ADGRL2: variants seen among roughly 807,000 people sequenced by gnomAD.
ADGRL2 encodes the protein calcium-independent alpha-latrotoxin receptor 2.
ADGRL2 carries 44 observed loss-of-function variants against 157.4 expected under a neutral mutation model. That is an observed-to-expected ratio of 0.28 (90% CI 0.22 to 0.36). The LOEUF is 0.36. Ranked by LOEUF, ADGRL2 falls within the 10% of genes least tolerant of loss-of-function variation. ADGRL2 has a pLI of 1.00. For synonymous variants in ADGRL2, 585 were observed against 624.7 expected (o/e 0.94, Z 0.95); for missense variants, 1,510 against 1,768.9 (o/e 0.85, Z 2.63).
chr1:81,821,665 G>A (rs945656284), intron 1 of ADGRL2, among the ~76,000 whole-genome samples: 3 of 152,056 alleles, frequency 2.0e-5, no homozygotes, highest in Admixed American at 2.0e-4. Flanking sequence ...GAGCTGTAGG[G>A]TTTCAAGATT....
chr1:81,570,992 G>A lies in ADGRL2; in HGVS notation c.-247-9884G>A, dbSNP rs552822406. Among the ~76,000 whole-genome samples, 58 of 152,140 alleles carry A rather than the reference G, an allele frequency of 3.8e-4. No homozygotes were observed. The South Asian group carries it at 0.011, about 30-fold the overall frequency. On this transcript the variant is annotated intron_variant, in intron 2 of 24. Coordinates refer to the ADGRL2 transcript ENST00000370721. ...GTCATAAACAATATTAAGTGAATAG[G>A]CATGACTGTATTCCAATAAAACTTT...
At chr1:81,885,220 T>C (rs1291400840) in intron 2 of ADGRL2, among the ~76,000 whole-genome samples, 1 of 152,232 alleles carries the variant, frequency 6.6e-6, no homozygotes. Flanking sequence ...ATGCTTATAA[T>C]ACTTGATTTA....
In ADGRL2 at chr1:81,591,909, C is replaced by G. The variant is rs2081141512; in HGVS notation, c.-143+10929C>G. ...TGACACCCTAGCCTTAGATGGTACC[C>G]AGATAGCAGCCTTGTAAAATACTCT... On this transcript the variant is annotated intron_variant, in intron 3 of 24. Coordinates refer to the ADGRL2 transcript ENST00000370721. Among the ~76,000 whole-genome samples the G allele has an allele frequency of 4.6e-5, 7 of 152,264 alleles. No homozygotes were observed. In the South Asian group the frequency reaches 1.5e-3, roughly 32 times the overall value.
chr1:81,371,305 A>T (rs1445415935), intron 1 of ADGRL2, among the ~76,000 whole-genome samples: 1 of 152,182 alleles, frequency 6.6e-6, no homozygotes, highest in Non-Finnish European at 1.5e-5. Context: ...TTAAATACCA[A>T]GTAAGGTTGA....
chr1:81,804,091 A>C (rs2088746102), intron 1 of ADGRL2, among the ~76,000 whole-genome samples: 1 of 152,318 alleles, frequency 6.6e-6, no homozygotes, highest in South Asian at 2.1e-4. Context: ...CAACATTCCA[A>C]CTTGTGATGG....
At chr1:81,826,869 T>C (rs1410205801) in intron 1 of ADGRL2, among the ~76,000 whole-genome samples, 2 of 152,182 alleles carry the variant, frequency 1.3e-5, no homozygotes, top group Non-Finnish European at 2.9e-5. Context: ...TTTGTAACCT[T>C]CTCCACTCTT....
chr1:81,405,902 T>A (rs1249449155), intron 1 of ADGRL2, among the ~76,000 whole-genome samples: 1 of 152,110 alleles, frequency 6.6e-6, no homozygotes, highest in East Asian at 1.9e-4. Context: ...TAAAGTGTTA[T>A]CTCCTCATAA....
intron 1 of ADGRL2, among the ~76,000 whole-genome samples, chr1:81,359,220 T>G (rs768273644): frequency 2.6e-4 from 40 of 152,214 alleles, no homozygotes; most frequent in South Asian, 8.3e-4. Context: ...GCCTTAAAAA[T>G]GACTGTGTTA....
At chr1:81,330,136 T>C (rs1661176267) in intron 1 of ADGRL2, among the ~76,000 whole-genome samples, 1 of 152,156 alleles carries the variant, frequency 6.6e-6, no homozygotes, top group African/African-American at 2.4e-5. Context: ...TTAATGTCTA[T>C]TAAAATATGA....
At chr1:81,584,844 T>C (rs2080992102) in intron 3 of ADGRL2, among the ~76,000 whole-genome samples, 1 of 152,132 alleles carries the variant, frequency 6.6e-6, no homozygotes, top group African/African-American at 2.4e-5. Flanking sequence ...CATTGCTGCT[T>C]ATAAACTCTA....
chr1:81,786,605 A>C (rs2087059566), intron 2 of ADGRL2, among the ~76,000 whole-genome samples: 1 of 152,156 alleles, frequency 6.6e-6, no homozygotes, highest in African/African-American at 2.4e-5. Context: ...ATAAAAATAA[A>C]ATTTAGAAAT....
chr1:81,734,688 G>A (rs2084837972), intron 1 of ADGRL2, among the ~76,000 whole-genome samples: 1 of 148,296 alleles, frequency 6.7e-6, no homozygotes, highest in African/African-American at 2.5e-5. Context: ...CATTATTTTG[G>A]TATATGTTGT....
At chr1:81,954,510 A>G (rs2149116962) in intron 10 of ADGRL2, among the ~76,000 whole-genome samples, 1 of 152,284 alleles carries the variant, frequency 6.6e-6, no homozygotes, top group South Asian at 2.1e-4. Context: ...GCAAGTTCCC[A>G]CTTTGTGACA....
At chr1:81,870,918 T>A (rs2151002540) in intron 2 of ADGRL2, among the ~76,000 whole-genome samples, 1 of 149,472 alleles carries the variant, frequency 6.7e-6, no homozygotes, top group Non-Finnish European at 1.5e-5. Context: ...TTCCTTTTTT[T>A]TTTTGAAGAT....
rs529856712 is a variant in ADGRL2 at position 81,356,342 on chromosome 1, T to C, written c.-302+49833T>C. The stretch of plus-strand genomic sequence containing the variant: ...ATTCTCAATTCACATAAAAAAGATG[T>C]GGATCAATGGAAACAATATGAGCTT... On this transcript the variant is annotated intron_variant, in intron 1 of 24. Transcript: ENST00000370721. 9.2e-5 allele frequency among the ~76,000 whole-genome samples: 14 copies of C among 152,296 alleles called. No homozygotes were observed. The East Asian group carries it at 2.7e-3, about 29-fold the overall frequency.
At chr1:81,989,746 A>G (rs1240810640) in intron 23 of ADGRL2, 1 of 1,604,956 alleles carries the variant, frequency 6.2e-7, no homozygotes, top group Non-Finnish European at 8.5e-7. Flanking sequence ...GTGATGTTGG[A>G]TGGTGCTTGT....
rs13374555 is a variant in ADGRL2 at position 81,955,044 on chromosome 1, C to T, written c.1834-833C>T. On this transcript the variant is annotated intron_variant, in intron 10 of 23. Coordinates refer to ENST00000686636, the MANE Select transcript of ADGRL2 (RefSeq NM_001366006.2). ...GCTACAGAGTGTAGGAGTATAAGATCCTGCCTTCAGTTGATTAACTGAGTT... is the reference window on the plus strand; with the variant it reads ...GCTACAGAGTGTAGGAGTATAAGATTCTGCCTTCAGTTGATTAACTGAGTT... Among the ~76,000 whole-genome samples, 1,207 of 152,222 alleles carry T rather than the reference C, an allele frequency of 7.9e-3. 18 individuals carry two copies. The highest frequency in any genetic ancestry group is 0.028 in the African/African-American group (1,183 of 41,544).
At chr1:81,789,912 GC>G (rs2087251162) in intron 2 of ADGRL2, among the ~76,000 whole-genome samples, 1 of 152,028 alleles carries the variant, frequency 6.6e-6, no homozygotes, top group South Asian at 2.1e-4. Flanking sequence ...AGTGTTCCAG[GC>G]TTTGACAACT....
At chr1:81,644,648 C>T (rs1051691892) in intron 3 of ADGRL2, among the ~76,000 whole-genome samples, 1 of 152,114 alleles carries the variant, frequency 6.6e-6, no homozygotes, top group African/African-American at 2.4e-5. Context: ...ATTATACATT[C>T]ATTCAAACCC....
Sources: gnomAD v4.1 joint callset for allele counts (sites outside exome capture counted in the v4.1 genomes callset) on GRCh38, gnomAD v4.1.1 for gene constraint, MANE v1.5 for transcripts, NCBI Gene and HGNC (gene_info 2026-07-23, HGNC 2026-07-21) for gene names.